The following UQCC1 variants were observed in gnomAD, a reference collection of about 807,000 sequenced individuals.
UQCC1 encodes the protein ubiquinol-cytochrome c reductase complex assembly factor 1.
UQCC1 carries 38 observed loss-of-function variants against 48.0 expected under a neutral mutation model. That is an observed-to-expected ratio of 0.79 (90% CI 0.61 to 1.04). The LOEUF (loss-of-function observed/expected upper bound fraction) is 1.04, where lower values mean the gene tolerates loss of function less well. UQCC1 is among the 50% of genes least tolerant of loss of function. UQCC1 has a pLI of 0.00. For missense variants in UQCC1, 368 were observed against 381.8 expected (o/e 0.96, Z 0.30); for synonymous variants, 111 against 129.2 (o/e 0.86, Z 0.95).
At chr20:35,313,686 TC>T (rs2061020858) in intron 8 of UQCC1, among the ~76,000 whole-genome samples, 1 of 152,140 alleles carries the variant, frequency 6.6e-6, no homozygotes, top group African/African-American at 2.4e-5. Flanking sequence ...CAATCTCAGC[TC>T]ACTGCAGTCT....
intron 5 of UQCC1, among the ~76,000 whole-genome samples, chr20:35,367,686 G>T (rs2061685138): frequency 6.6e-6 from 1 of 152,118 alleles, no homozygotes; most frequent in Admixed American, 6.5e-5. Context: ...CTTGAGCCAG[G>T]GAGGTAGAGG....
intron 5 of UQCC1, among the ~76,000 whole-genome samples, chr20:35,370,582 C>T (rs2146451197): frequency 6.6e-6 from 1 of 152,220 alleles, no homozygotes; most frequent in African/African-American, 2.4e-5. Flanking sequence ...AATGAACATG[C>T]TATAGGTCTC....
chr20:35,383,934 C>T (rs982664289), intron 3 of UQCC1, 104 bp downstream of exon 3: 1 of 927,556 alleles, frequency 1.1e-6, no homozygotes, highest in Non-Finnish European at 1.7e-6. Flanking sequence ...TGAGCCTCAC[C>T]TTCTGCATTC....
At chr20:35,337,320 C>A (rs2146360850) in intron 7 of UQCC1, among the ~76,000 whole-genome samples, 1 of 152,268 alleles carries the variant, frequency 6.6e-6, no homozygotes, top group East Asian at 1.9e-4. Context: ...TCCCAAGTAG[C>A]TGGGACTACA....
intron 7 of UQCC1, among the ~76,000 whole-genome samples, chr20:35,323,139 G>A (rs996009735): frequency 6.6e-6 from 1 of 152,158 alleles, no homozygotes; most frequent in Non-Finnish European, 1.5e-5. Context: ...GAGCCACCGC[G>A]CCCGGCCCCA....
At chr20:35,372,556 A>G (rs974849887) in intron 5 of UQCC1, among the ~76,000 whole-genome samples, 1 of 152,142 alleles carries the variant, frequency 6.6e-6, no homozygotes, top group African/African-American at 2.4e-5. Flanking sequence ...ATTTGTATTT[A>G]TTTGATTTTT....
intron 7 of UQCC1, among the ~76,000 whole-genome samples, chr20:35,324,873 G>C (rs926921218): frequency 2.0e-5 from 3 of 152,156 alleles, no homozygotes; most frequent in African/African-American, 7.2e-5. Context: ...AATTGGAACT[G>C]ATATATTTGT....
intron 7 of UQCC1, among the ~76,000 whole-genome samples, chr20:35,326,205 A>G (rs1184996381): frequency 6.6e-6 from 1 of 152,220 alleles, no homozygotes; most frequent in Admixed American, 6.5e-5. Flanking sequence ...TTCAAGAGAA[A>G]TGACTACAGC....
chr20:35,318,098 T>C (rs2061082949), intron 7 of UQCC1, among the ~76,000 whole-genome samples: 1 of 152,186 alleles, frequency 6.6e-6, no homozygotes, highest in African/African-American at 2.4e-5. Context: ...AAACGGATGA[T>C]ATCAGAGGTG....
At chr20:35,362,177 G>A (rs1056550056) in intron 6 of UQCC1, among the ~76,000 whole-genome samples, 7 of 152,274 alleles carry the variant, frequency 4.6e-5, no homozygotes, top group African/African-American at 1.2e-4. Context: ...GGCGGGGGAA[G>A]GGCCTTCTAG....
At chr20:35,304,146 C>CCTGGTT in intron 9 of UQCC1, 77 bp from the exon 10 acceptor site, 2 of 1,592,514 alleles carry the variant, frequency 1.3e-6, no homozygotes. Flanking sequence ...GAACCAGCCT[C>CCTGGTT]CCAGAGGAGA....
rs755242137 is a variant in UQCC1 at position 35,381,909 on chromosome 20, G to C, written c.333+9C>G. The stretch of plus-strand genomic sequence containing the variant: ...AAAGGAAAAATGAGAAGAACTTAAA[G>C]GACTTTACCCATTTACTGTATTTCA... On this transcript the variant is annotated intron_variant, in intron 4 of 9. Coordinates refer to ENST00000374385, the MANE Select transcript of UQCC1 (RefSeq NM_018244.5). The C allele has an allele frequency of 2.7e-6, 4 of 1,500,476 alleles. No homozygotes were observed. Among genetic ancestry groups the C allele is most frequent in the Admixed American group, 1.9e-5 (1 of 52,550 alleles). 92.9% of individuals were successfully genotyped at this position (1,500,476 alleles called of 1,614,324 possible). A position where few individuals can be genotyped will look rare whatever the true frequency, so the allele number is the denominator to read the frequency against.
At chr20:35,307,066 C>T (rs1281334397) in intron 8 of UQCC1, 2 of 458,174 alleles carry the variant, frequency 4.4e-6, no homozygotes, top group Non-Finnish European at 8.1e-6. Flanking sequence ...CTCCGTACTG[C>T]GCCTGGCCCA....
intron 8 of UQCC1, among the ~76,000 whole-genome samples, chr20:35,310,054 A>C (rs2060973064): frequency 6.6e-6 from 1 of 152,204 alleles, no homozygotes; most frequent in Non-Finnish European, 1.5e-5. Context: ...CCTGGTCCAC[A>C]TCAAGTCATT....
chr20:35,350,237 T>C (rs1380661186), intron 6 of UQCC1, among the ~76,000 whole-genome samples: 1 of 152,030 alleles, frequency 6.6e-6, no homozygotes, highest in Non-Finnish European at 1.5e-5. Flanking sequence ...AAGCCATCCT[T>C]CCACCTCGGC....
chr20:35,404,011 G>T (rs192196010), intron 1 of UQCC1, among the ~76,000 whole-genome samples: 1 of 152,130 alleles, frequency 6.6e-6, no homozygotes, highest in Admixed American at 6.6e-5. Flanking sequence ...GCCGAGGAGG[G>T]CGGATCACAA....
rs2061490876 is a variant in UQCC1 at position 35,351,580 on chromosome 20, C to T, written c.465-4308G>A. Among the ~76,000 whole-genome samples, 6 of 152,152 alleles carry T rather than the reference C, an allele frequency of 3.9e-5. No individual in the cohort carries two copies. In the South Asian group the frequency reaches 1.2e-3, roughly 31 times the overall value. ...CATGTCAGCCTCTCACCTGAAAAGACGCTGTGTGTTTTGATGCTTAAGTGT... is the reference window on the plus strand; with the variant it reads ...CATGTCAGCCTCTCACCTGAAAAGATGCTGTGTGTTTTGATGCTTAAGTGT... On this transcript the variant is annotated intron_variant, in intron 6 of 9. Transcript: ENST00000374385.
chr20:35,388,926 C>T lies in UQCC1; in HGVS notation c.130-4793G>A, dbSNP rs950402724. 2.6e-5 allele frequency among the ~76,000 whole-genome samples: 4 copies of T among 151,824 alleles called. No individual in the cohort carries two copies. In the East Asian group the frequency reaches 5.8e-4, roughly 22 times the overall value. On this transcript the variant is annotated intron_variant, in intron 2 of 9. Transcript: ENST00000374385. The stretch of plus-strand genomic sequence containing the variant: ...CTAAAAAATATAAAAATTAGCTGGG[C>T]GTGGTGTGTGCGCCTGTAGTCCCCA...
Position 35,303,909 on chromosome 20 carries a change from G to A in UQCC1, c.*26C>T. On this transcript the variant is annotated 3_prime_UTR_variant, in exon 10 of 10. Transcript: ENST00000374385. ...CCTGGAGGTTCCTCGAAGCCAGCTG[G>A]CGGGCCGTGCGGAGGGCCCAGCCCA... The A allele has an allele frequency of 1.2e-6, 2 of 1,614,082 alleles. No individual in the cohort carries two copies. Among genetic ancestry groups the A allele is most frequent in the Non-Finnish European group, 1.7e-6 (2 of 1,179,950 alleles).
Sources: allele counts gnomAD v4.1 joint callset (sites outside exome capture counted in the v4.1 genomes callset), GRCh38; gene constraint gnomAD v4.1.1; transcripts MANE v1.5; gene names NCBI Gene and HGNC (gene_info 2026-07-23, HGNC 2026-07-21).